The following LRPPRC variants were observed in gnomAD, a reference collection of about 807,000 sequenced individuals.
LRPPRC encodes the protein leucine-rich PPR motif-containing protein, mitochondrial.
LRPPRC carries 120 observed loss-of-function variants against 180.3 expected under a neutral mutation model. That is an observed-to-expected ratio of 0.67 (90% CI 0.57 to 0.77). LRPPRC has a LOEUF of 0.77. LRPPRC is among the 30% of genes least tolerant of loss of function. The pLI is 0.00. For missense variants in LRPPRC, 2,012 were observed against 1,657.2 expected, an observed-to-expected ratio of 1.21 and a Z score of -3.72; for synonymous variants, 723 against 600.0, an observed-to-expected ratio of 1.21 and a Z score of -3.00.
chr2:43,981,228 C>G (rs1241361045), intron 2 of LRPPRC, among the ~76,000 whole-genome samples: 2 of 149,160 alleles, frequency 1.3e-5, no homozygotes, highest in Non-Finnish European at 2.9e-5. Flanking sequence ...GGAAAGCTGT[C>G]TTATATGATC....
At chr2:43,889,712 C>A (rs1361043141) in intron 37 of LRPPRC, 22 bp downstream of exon 37, 2 of 1,592,420 alleles carry the variant, frequency 1.3e-6, no homozygotes, top group Non-Finnish European at 1.7e-6. Flanking sequence ...GTATTTTTTC[C>A]CCTTAATTAA....
At chr2:43,911,520 C>CT (rs755010502) in intron 30 of LRPPRC, among the ~76,000 whole-genome samples, 7,313 of 112,006 alleles carry the variant, frequency 0.065, 557 homozygotes, top group East Asian at 0.39. Context: ...TCTTCTTCTT[C>CT]TTCTTTTTTT....
chr2:43,950,205 C>CTT (rs373640532), intron 15 of LRPPRC, among the ~76,000 whole-genome samples: 2 of 148,256 alleles, frequency 1.3e-5, no homozygotes, highest in African/African-American at 5.0e-5. Context: ...CTCATGGATT[C>CTT]TTTTTTTTTT....
At chr2:43,949,222 TA>T (rs1189481863) in intron 16 of LRPPRC, among the ~76,000 whole-genome samples, 1 of 152,164 alleles carries the variant, frequency 6.6e-6, no homozygotes, top group East Asian at 1.9e-4. Flanking sequence ...TTTGGGGCAA[TA>T]AATTACATTT....
At chr2:43,977,844 C>T (rs1026912301) in intron 3 of LRPPRC, among the ~76,000 whole-genome samples, 14 of 152,124 alleles carry the variant, frequency 9.2e-5, no homozygotes, top group Admixed American at 7.2e-4. Context: ...GGTTACCACA[C>T]AGCCTTACTC....
At chr2:43,932,180 T>C (rs968903836) in intron 25 of LRPPRC, among the ~76,000 whole-genome samples, 5 of 113,666 alleles carry the variant, frequency 4.4e-5, no homozygotes, top group African/African-American at 1.7e-4. Context: ...ATATACTACA[T>C]ATAACACATG....
Position 43,947,297 on chromosome 2 carries a change from T to C in LRPPRC, c.2039A>G (p.Asp680Gly). Residue 680 changes from aspartate to glycine, a missense_variant, in exon 20 of 38, where the codon GAT becomes GGT. By Grantham distance (94) the Asp-to-Gly change is moderately conservative (BLOSUM62 -1). Coordinates refer to ENST00000260665, the MANE Select transcript of LRPPRC (RefSeq NM_133259.4). ...CACTAATATGAGTTGCTTTAGGACA[T>C]CTCTTATAGGTTGATTTTCAGCTTT... is the stretch of plus-strand genomic sequence containing the variant. ...TLKAENQPIR[D>G]VLKQLILVLC... The C allele has an allele frequency of 6.2e-7, 1 of 1,604,428 alleles. No individual in the cohort carries two copies. The highest frequency in any genetic ancestry group is 8.5e-7 in the Non-Finnish European group (1 of 1,172,498).
At chr2:43,890,869 G>A (rs1670467083) in intron 36 of LRPPRC, among the ~76,000 whole-genome samples, 1 of 152,194 alleles carries the variant, frequency 6.6e-6, no homozygotes, top group Non-Finnish European at 1.5e-5. Context: ...GAGATGGTAA[G>A]GGCTCTGCTA....
Position 43,963,602 on chromosome 2 carries a change from G to A in LRPPRC, c.1474C>T (p.Arg492Ter). 1.3e-6 allele frequency: 2 copies of A among 1,596,270 alleles called. No individual in the cohort carries two copies. The highest frequency in any genetic ancestry group is 1.7e-6 in the Non-Finnish European group (2 of 1,163,994). Residue 492 changes from arginine to a stop codon, truncating the protein, a stop_gained, in exon 12 of 38, where the codon CGA becomes TGA. Transcript: ENST00000260665. LOFTEE classifies it high-confidence loss of function. Reference protein sequence around the residue: ...IPCFDSVNSARAILQENGCLS... With the variant: ...IPCFDSVNSA ...CTTGTACTCACCTGCAAAATGGCTC[G>A]TGCTGAGTTTACACTATCAAAGCAT...
chr2:43,906,062 T>G (rs930437007), intron 30 of LRPPRC, among the ~76,000 whole-genome samples: 2 of 152,164 alleles, frequency 1.3e-5, no homozygotes, highest in African/African-American at 4.8e-5. Flanking sequence ...AATGCTGACA[T>G]ATTAGATGAC....
In LRPPRC at chr2:43,973,659, A is replaced by G. The variant is rs143617041; in HGVS notation, c.1317T>C (p.Pro439=). 4.3e-6 allele frequency: 7 copies of G among 1,613,944 alleles called. No individual in the cohort carries two copies. The African/African-American group carries it at 9.3e-5, about 22-fold the overall frequency. ...CAACTAGCAATGGCCAGAAATAGTG[A>G]GGTCTGATAGGAAAACCTTCCTCCT... ...AVKEEGFPIR[P]HYFWPLLVGR... The change falls in exon 11 of 38, where the codon CCT becomes CCC. Residue 439 remains proline (P), a synonymous_variant. Coordinates refer to ENST00000260665, the MANE Select transcript of LRPPRC (RefSeq NM_133259.4).
chr2:43,915,226 TCTCTCTCACACACACACACA>T (rs1194100769), intron 29 of LRPPRC, among the ~76,000 whole-genome samples: 10 of 84,086 alleles, frequency 1.2e-4, no homozygotes, highest in African/African-American at 5.2e-4. Flanking sequence ...TCTCTCTCTC[TCTCTCTCACACACACACACA>T]CACACACACA....
At chr2:43,953,944 G>C (rs562604431) in intron 14 of LRPPRC, among the ~76,000 whole-genome samples, 112 of 152,232 alleles carry the variant, frequency 7.4e-4, no homozygotes, top group Admixed American at 1.2e-3. Flanking sequence ...CCAAGGCTGG[G>C]GGTTCACTTG....
intron 3 of LRPPRC, among the ~76,000 whole-genome samples, chr2:43,978,798 A>C (rs1489696543): frequency 6.6e-6 from 1 of 151,974 alleles, no homozygotes; most frequent in East Asian, 1.9e-4. Flanking sequence ...GATAGTCCTA[A>C]ATATTTTATT....
intron 7 of LRPPRC, 57 bp downstream of exon 7, chr2:43,975,034 A>T: frequency 7.0e-6 from 11 of 1,573,832 alleles, no homozygotes; most frequent in Non-Finnish European, 6.9e-6. Flanking sequence ...CATGTAAAAC[A>T]TAACACAAAT....
At chr2:43,942,771 A>G (rs1025109123) in intron 23 of LRPPRC, among the ~76,000 whole-genome samples, 1 of 152,158 alleles carries the variant, frequency 6.6e-6, no homozygotes, top group African/African-American at 2.4e-5. Context: ...CCACAGTGAG[A>G]TATTTCTGCG....
chr2:43,982,231 G>C lies in LRPPRC; in HGVS notation c.346+7C>G. On this transcript the variant is annotated splice_region_variant and intron_variant, in intron 2 of 37. Coordinates refer to ENST00000260665, the MANE Select transcript of LRPPRC (RefSeq NM_133259.4). ...GTCAACTTTATGAACAGGAAATTTTGAAATACCTGAGCGGCAGGTATCATT... is the reference window on the plus strand; with the variant it reads ...GTCAACTTTATGAACAGGAAATTTTCAAATACCTGAGCGGCAGGTATCATT... 6.5e-7 allele frequency: 1 copy of C among 1,549,136 alleles called. No individual in the cohort carries two copies. The highest frequency in any genetic ancestry group is 8.7e-7 in the Non-Finnish European group (1 of 1,150,924).
In LRPPRC at chr2:43,982,615, A is replaced by T. The variant is rs182916318; in HGVS notation, c.150-181T>A. ...TAGCTTTTACTTTAGATAAAATCAT[A>T]TACACACATACATAAACTATATGCA... On this transcript the variant is annotated intron_variant, in intron 1 of 37. Coordinates refer to ENST00000260665, the MANE Select transcript of LRPPRC (RefSeq NM_133259.4). Among the ~76,000 whole-genome samples, 48 of 152,352 alleles carry T rather than the reference A, an allele frequency of 3.2e-4. 1 individual carries two copies. Among genetic ancestry groups the T allele is most frequent in the Non-Finnish European group, 1.5e-5 (1 of 68,028 alleles).
chr2:43,946,022 T>C (rs992971133), intron 21 of LRPPRC, 91 bp downstream of exon 21: 32 of 1,314,536 alleles, frequency 2.4e-5, no homozygotes, highest in Admixed American at 5.1e-5. Flanking sequence ...AATGACATTA[T>C]ATAAGAGAGT....
Sources: allele counts gnomAD v4.1 joint callset (sites outside exome capture counted in the v4.1 genomes callset), GRCh38; gene constraint gnomAD v4.1.1; transcripts MANE v1.5; gene names NCBI Gene and HGNC (gene_info 2026-07-23, HGNC 2026-07-21).